Variants in SPECC1L observed in about 807,000 individuals in gnomAD.
SPECC1L encodes cytospin-A.
In SPECC1L, 40 loss-of-function variants were observed where a neutral mutation model predicts 116.8. That is an observed-to-expected ratio of 0.34 (90% CI 0.27 to 0.45). SPECC1L has a LOEUF of 0.45. Among genes scored for constraint, SPECC1L ranks in the 20% least tolerant of loss-of-function variants. The pLI is 1.00. For synonymous variants in SPECC1L, 504 were observed against 500.6 expected, an observed-to-expected ratio of 1.01 and a Z score of -0.09; for missense variants, 1,110 against 1,373.6, an observed-to-expected ratio of 0.81 and a Z score of 3.03.
Position 24,322,639 on chromosome 22 carries a change from A to C in SPECC1L, c.1659A>C (p.Lys553Asn). 2 of 1,614,002 alleles carry C rather than the reference A, an allele frequency of 1.2e-6. No homozygotes were observed. The highest frequency in any genetic ancestry group is 1.7e-6 in the Non-Finnish European group (2 of 1,179,978). ...HMERIIESEQ[K>N]GKAALAATLE... ...AGCGAATTATTGAGTCTGAGCAGAA[A>C]GGAAAAGCAGCCTTGGCAGCCACGT... Residue 553 changes from lysine to asparagine, a missense_variant, in exon 5 of 17, where the codon AAA (lysine) becomes AAC (asparagine). Physicochemically the swap from Lys to Asn is moderately conservative, Grantham distance 94. Around this residue, in one of 4 missense-constraint regions of SPECC1L, gnomAD observed 575 missense variants for 682.4 expected, o/e 0.84. Coordinates refer to ENST00000314328, the MANE Select transcript of SPECC1L (RefSeq NM_015330.6).
intron 2 of SPECC1L, among the ~76,000 whole-genome samples, chr22:24,281,084 A>G (rs1033823486): frequency 3.9e-5 from 6 of 152,210 alleles, no homozygotes; most frequent in African/African-American, 1.2e-4. Flanking sequence ...GACTTAAGGT[A>G]GTATGTAAGA....
At chr22:24,374,713 A>G (rs1334417320) in intron 14 of SPECC1L, among the ~76,000 whole-genome samples, 4 of 151,890 alleles carry the variant, frequency 2.6e-5, no homozygotes, top group Admixed American at 2.6e-4. Context: ...AACATGGCAC[A>G]TGTATACATA....
chr22:24,302,552 G>A (rs1368927648), intron 3 of SPECC1L, among the ~76,000 whole-genome samples, 168 bp downstream of exon 3: 1 of 152,160 alleles, frequency 6.6e-6, no homozygotes, highest in Non-Finnish European at 1.5e-5. Context: ...GCTGTTTTTG[G>A]TCTGTCTTTT....
chr22:24,279,034 G>C (rs966721256), intron 2 of SPECC1L, among the ~76,000 whole-genome samples: 1 of 152,202 alleles, frequency 6.6e-6, no homozygotes, highest in African/African-American at 2.4e-5. Flanking sequence ...TATATGTGTT[G>C]AAAGGTTCCG....
intron 3 of SPECC1L, among the ~76,000 whole-genome samples, chr22:24,309,917 C>T (rs1355899206): frequency 6.6e-6 from 1 of 152,092 alleles, no homozygotes; most frequent in Non-Finnish European, 1.5e-5. Context: ...CATGGCTCCA[C>T]GAGTCAGAAC....
At chr22:24,323,122 G>T in intron 5 of SPECC1L, 1 of 980,150 alleles carries the variant, frequency 1.0e-6, no homozygotes, top group Non-Finnish European at 1.2e-6. Flanking sequence ...TCTCTCACTT[G>T]TATTTTGTTT....
chr22:24,272,952 T>A (rs2048759254), intron 1 of SPECC1L, among the ~76,000 whole-genome samples: 1 of 152,140 alleles, frequency 6.6e-6, no homozygotes, highest in African/African-American at 2.4e-5. Flanking sequence ...AGTAAGAAAG[T>A]GAATGTTGTG....
At chr22:24,330,205 T>A (rs1337033814) in intron 7 of SPECC1L, 51 bp from the exon 8 acceptor site, 1 of 1,586,670 alleles carries the variant, frequency 6.3e-7, no homozygotes, top group African/African-American at 1.4e-5. Context: ...TGCTTTTAAA[T>A]AAATCTTGAT....
intron 14 of SPECC1L, among the ~76,000 whole-genome samples, chr22:24,391,142 T>C (rs2042266379): frequency 6.6e-6 from 1 of 152,048 alleles, no homozygotes. Flanking sequence ...CCCAAAGTGC[T>C]GGGATTACGG....
In SPECC1L at chr22:24,413,610, A is replaced by C. The variant is rs568830416; in HGVS notation, c.3264+903A>C. Among the ~76,000 whole-genome samples the C allele has an allele frequency of 9.2e-5, 14 of 152,298 alleles. No homozygotes were observed. In the East Asian group the frequency reaches 2.5e-3, roughly 27 times the overall value. On this transcript the variant is annotated intron_variant, in intron 16 of 16. Coordinates refer to ENST00000314328, the MANE Select transcript of SPECC1L (RefSeq NM_015330.6). ...TGCATCTAAATCCCTAGAAATGTGC[A>C]TTTTTTAGGGTGGCCTCTGTTCACC...
intron 4 of SPECC1L, among the ~76,000 whole-genome samples, chr22:24,317,317 C>G (rs1277957250): frequency 8.8e-6 from 1 of 113,938 alleles, no homozygotes; most frequent in Non-Finnish European, 1.9e-5. Flanking sequence ...GGGGGCTGAC[C>G]CCCCCCACCT....
rs760081963 is a variant in SPECC1L at position 24,322,115 on chromosome 22, C to T, written c.1135C>T (p.Arg379Cys). The stretch of plus-strand genomic sequence containing the variant: ...GTCGGAAGGCATCCCCAGCATAGAG[C>T]GCTCCCGGAAGGGGAGCAGCGGGAA... Reference protein sequence around the residue: ...SESEGIPSIERSRKGSSGNAS... With the variant: ...SESEGIPSIECSRKGSSGNAS... The change falls in exon 5 of 17, where the codon CGC becomes TGC. Residue 379 changes from arginine (R) to cysteine (C), a missense_variant. Transcript: ENST00000314328. The T allele has an allele frequency of 8.7e-6, 14 of 1,613,950 alleles. No individual in the cohort carries two copies. The highest frequency in any genetic ancestry group is 3.3e-4 in the Middle Eastern group (2 of 6,084).
intron 4 of SPECC1L, among the ~76,000 whole-genome samples, chr22:24,314,395 C>T (rs1421379349): frequency 1.3e-5 from 2 of 152,180 alleles, no homozygotes; most frequent in Non-Finnish European, 2.9e-5. Flanking sequence ...ATTATCAGTC[C>T]TTGAAATAAC....
At chr22:24,383,792 ATTTTTTTTTTTTTTTTTTTTTTTTTTTTT>A (rs538972717) in intron 14 of SPECC1L, among the ~76,000 whole-genome samples, 1 of 77,338 alleles carries the variant, frequency 1.3e-5, no homozygotes, top group Admixed American at 1.4e-4. Flanking sequence ...ACCCACCACT[ATTTTTTTTTTTTTTTTTTTTTTTTTTTTT>A]TTTTTTTTTT....
Position 24,289,165 on chromosome 22 carries a change from C to T in SPECC1L, c.-38+12362C>T, listed in dbSNP as rs2049109071. ...GTGGTTTGAAAGGATCCTGAATAAA[C>T]GTTTTCTTTTTGTAAATATTCAGAA... On this transcript the variant is annotated intron_variant, in intron 2 of 16. Coordinates refer to ENST00000314328, the MANE Select transcript of SPECC1L (RefSeq NM_015330.6). 2.6e-5 allele frequency among the ~76,000 whole-genome samples: 4 copies of T among 152,180 alleles called. No homozygotes were observed. The South Asian group carries it at 6.2e-4, about 24-fold the overall frequency.
At chr22:24,274,826 G>T (rs2048800751) in intron 1 of SPECC1L, among the ~76,000 whole-genome samples, 1 of 152,114 alleles carries the variant, frequency 6.6e-6, no homozygotes, top group African/African-American at 2.4e-5. Context: ...ACTGGGCTTT[G>T]ACCCCTGTTC....
intron 11 of SPECC1L, among the ~76,000 whole-genome samples, chr22:24,348,129 G>A (rs2041341141): frequency 6.6e-6 from 1 of 152,090 alleles, no homozygotes. Flanking sequence ...TGTGGTGCTG[G>A]GAAAAGCACT....
chr22:24,365,114 TCTC>T (rs1316955911), intron 12 of SPECC1L, among the ~76,000 whole-genome samples: 7 of 152,024 alleles, frequency 4.6e-5, no homozygotes, highest in African/African-American at 1.7e-4. Flanking sequence ...TTTAAGCAAT[TCTC>T]CTGCCCCAGC....
At chr22:24,412,418 GA>G (rs1438748857) in intron 15 of SPECC1L, 1 of 616,288 alleles carries the variant, frequency 1.6e-6, no homozygotes, top group Non-Finnish European at 2.9e-6. Flanking sequence ...AGTGAGGAAA[GA>G]ACGGGTGTTG....
Sources: gnomAD v4.1 joint callset for allele counts (sites outside exome capture counted in the v4.1 genomes callset) on GRCh38, gnomAD v4.1.1 for gene constraint, gnomAD v4.1.1 regional missense constraint, MANE v1.5 for transcripts, NCBI Gene and HGNC (gene_info 2026-07-23, HGNC 2026-07-21) for gene names.